CSMD3: variants seen among roughly 807,000 people sequenced by gnomAD.
CSMD3 encodes the protein CUB and Sushi multiple domains 3, also known as CUB and sushi domain-containing protein 3.
A neutral mutation model predicts 435.2 loss-of-function variants in CSMD3; 177 were observed. The ratio of observed to expected loss-of-function variants is 0.41; its 90% CI spans 0.36 to 0.46. The LOEUF is 0.46. Among genes scored for constraint, CSMD3 ranks in the 20% least tolerant of loss-of-function variants. The pLI is 0.34. For synonymous variants in CSMD3, 1,656 were observed against 1,520.5 expected, an observed-to-expected ratio of 1.09 and a Z score of -2.07; for missense variants, 4,265 against 4,504.6, an observed-to-expected ratio of 0.95 and a Z score of 1.52.
intron 38 of CSMD3, among the ~76,000 whole-genome samples, chr8:112,376,011 G>A (rs989990979): frequency 9.2e-5 from 14 of 152,074 alleles, no homozygotes; most frequent in Non-Finnish European, 1.9e-4. Context: ...TGAACATGAA[G>A]TTTCCTCTGC....
chr8:112,282,213 T>C (rs1586643637), intron 58 of CSMD3, among the ~76,000 whole-genome samples: 1 of 151,972 alleles, frequency 6.6e-6, no homozygotes, highest in Middle Eastern at 3.4e-3. Context: ...TCTTTTTGCC[T>C]ATCATTTGTA....
At chr8:112,423,852 T>A (rs750053842) in intron 32 of CSMD3, among the ~76,000 whole-genome samples, 5 of 152,004 alleles carry the variant, frequency 3.3e-5, no homozygotes, top group Non-Finnish European at 5.9e-5. Flanking sequence ...CCCAAAGCTT[T>A]TATATATATA....
chr8:113,095,434 C>A (rs1473723073), intron 5 of CSMD3, among the ~76,000 whole-genome samples: 1 of 152,176 alleles, frequency 6.6e-6, no homozygotes, highest in Non-Finnish European at 1.5e-5. Context: ...CCCCTCCAGT[C>A]AGCCTATCAC....
At chr8:113,228,980 C>T (rs992068183) in intron 3 of CSMD3, among the ~76,000 whole-genome samples, 4 of 151,570 alleles carry the variant, frequency 2.6e-5, no homozygotes, top group African/African-American at 7.3e-5. Flanking sequence ...TAATTCACCA[C>T]GTTCAAGTTC....
At chr8:112,329,909 T>C (rs1431131186) in intron 45 of CSMD3, among the ~76,000 whole-genome samples, 1 of 151,980 alleles carries the variant, frequency 6.6e-6, no homozygotes, top group Admixed American at 6.6e-5. Flanking sequence ...TTTCATTTTA[T>C]ACACACATAT....
At chr8:112,901,875 T>A (rs1359228618) in intron 10 of CSMD3, among the ~76,000 whole-genome samples, 1 of 151,332 alleles carries the variant, frequency 6.6e-6, no homozygotes. Flanking sequence ...GGGGTTCGGG[T>A]AAAGTTCAAA....
At chr8:113,009,231 T>C (rs1358370669) in intron 6 of CSMD3, among the ~76,000 whole-genome samples, 1 of 151,714 alleles carries the variant, frequency 6.6e-6, no homozygotes, top group African/African-American at 2.4e-5. Context: ...TACTTCATAT[T>C]ACTGTGAAGC....
At chr8:112,969,171 G>A (rs1318954153) in intron 7 of CSMD3, among the ~76,000 whole-genome samples, 2 of 151,858 alleles carry the variant, frequency 1.3e-5, no homozygotes, top group Non-Finnish European at 1.5e-5. Context: ...GCAATTTAAT[G>A]TGAATATTAA....
chr8:112,384,832 T>TA (rs1284743605), intron 36 of CSMD3, among the ~76,000 whole-genome samples: 1 of 152,192 alleles, frequency 6.6e-6, no homozygotes, highest in African/African-American at 2.4e-5. Context: ...GCCACCTCCT[T>TA]AAACAATTAT....
chr8:112,300,048 T>C (rs562842035), intron 53 of CSMD3, among the ~76,000 whole-genome samples: 2 of 149,732 alleles, frequency 1.3e-5, no homozygotes, highest in Non-Finnish European at 3.0e-5. Context: ...TTTTCAAATT[T>C]ATATGTATAT....
Position 112,550,882 on chromosome 8 carries a change from G to A in CSMD3, c.4362-9C>T, listed in dbSNP as rs763503292. 8 of 1,589,074 alleles carry A rather than the reference G, an allele frequency of 5.0e-6. No individual in the cohort carries two copies. In the South Asian group the frequency reaches 6.6e-5, roughly 13 times the overall value. On this transcript the variant is annotated splice_polypyrimidine_tract_variant and intron_variant, in intron 26 of 70. Transcript: ENST00000297405. ...AAGCAAGAAACTGCAAGCTGTGGGAGAACCATATTTCTCTGATTATTTTAA... is the reference window on the plus strand; with the variant it reads ...AAGCAAGAAACTGCAAGCTGTGGGAAAACCATATTTCTCTGATTATTTTAA...
intron 22 of CSMD3, among the ~76,000 whole-genome samples, chr8:112,613,420 A>T (rs1238367541): frequency 6.6e-6 from 1 of 152,208 alleles, no homozygotes; most frequent in South Asian, 2.1e-4. Flanking sequence ...AATCATGCAC[A>T]TTTGAAATAC....
chr8:112,704,972 T>C (rs985307050), intron 13 of CSMD3, among the ~76,000 whole-genome samples: 1 of 152,070 alleles, frequency 6.6e-6, no homozygotes, highest in Non-Finnish European at 1.5e-5. Flanking sequence ...CACTTCTTGA[T>C]GATTATAAGT....
chr8:113,107,618 G>A (rs1268788820), intron 4 of CSMD3, among the ~76,000 whole-genome samples: 11 of 152,146 alleles, frequency 7.2e-5, no homozygotes, highest in African/African-American at 2.7e-4. Context: ...CCCTCTGATA[G>A]GGAGGGCTGA....
chr8:112,247,084 T>C lies in CSMD3; in HGVS notation c.10158A>G (p.Gln3386=), dbSNP rs1381692145. Residue 3386 remains glutamine (Q), a synonymous_variant, in exon 64 of 71, where the codon CAA becomes CAG. Transcript: ENST00000297405. ...GGAGGCAGGTGCGTGTTGTAGACCC[T>C]TGGAGAAGGTGTCCTTTTTTGCAAT... ...QFHCKKGHLL[Q]GSTTRTCLPD... is the part of the protein sequence containing the mutation. 6.2e-7 allele frequency: 1 copy of C among 1,613,860 alleles called. No homozygotes were observed. Among genetic ancestry groups the C allele is most frequent in the Non-Finnish European group, 8.5e-7 (1 of 1,179,866 alleles).
At chr8:112,261,420 G>T (rs1446315862) in intron 61 of CSMD3, among the ~76,000 whole-genome samples, 2 of 151,892 alleles carry the variant, frequency 1.3e-5, no homozygotes, top group African/African-American at 4.8e-5. Context: ...CACCCAGAAA[G>T]CATCCCTTTT....
rs59796075 is a variant in CSMD3, at chr8:112,996,722, T to C, written c.1031-20574A>G. Among the ~76,000 whole-genome samples, 537 of 151,776 alleles carry C rather than the reference T, an allele frequency of 3.5e-3. 3 individuals carry two copies. Among genetic ancestry groups the C allele is most frequent in the African/African-American group, 0.012 (501 of 41,504 alleles). On this transcript the variant is annotated intron_variant, in intron 6 of 70. Coordinates refer to ENST00000297405, the MANE Select transcript of CSMD3 (RefSeq NM_198123.2). ...ATTGTGTATGTGTGTGCATCCTATA[T>C]CTTAGCAGGTTTTTAAAAATGACAG...
intron 16 of CSMD3, among the ~76,000 whole-genome samples, chr8:112,676,243 C>T (rs992807191): frequency 2.0e-5 from 3 of 151,836 alleles, no homozygotes; most frequent in Admixed American, 6.6e-5. Context: ...TGAGAGACAG[C>T]GGCATGTAGA....
At chr8:113,086,521 CAAAATAT>C (rs2131482875) in intron 5 of CSMD3, among the ~76,000 whole-genome samples, 2 of 91,530 alleles carry the variant, frequency 2.2e-5, no homozygotes, top group South Asian at 7.3e-4. Context: ...AAAATATATT[CAAAATAT>C]ATTATTGGGA....
Sources: allele counts gnomAD v4.1 joint callset (sites outside exome capture counted in the v4.1 genomes callset), GRCh38; gene constraint gnomAD v4.1.1; transcripts MANE v1.5; gene names NCBI Gene and HGNC (gene_info 2026-07-23, HGNC 2026-07-21).